CFAP77: variants seen among roughly 807,000 people sequenced by gnomAD.
The protein encoded by CFAP77 is cilia and flagella associated protein 77.
Under a neutral mutation model 31.1 loss-of-function variants are expected in CFAP77, and 25 were observed. The ratio of observed to expected loss-of-function variants is 0.80; its 90% confidence interval spans 0.59 to 1.12. The LOEUF (loss-of-function observed/expected upper bound fraction) is 1.12. Among genes scored for constraint, CFAP77 ranks in the 50% most tolerant of loss-of-function variants. The pLI is 0.00. For missense variants in CFAP77, 377 were observed against 397.3 expected (o/e 0.95, Z 0.44); for synonymous variants, 151 against 159.9 (o/e 0.94, Z 0.42).
At chr9:132,429,627 A>G (rs1322144990) in intron 1 of CFAP77, among the ~76,000 whole-genome samples, 4 of 150,678 alleles carry the variant, frequency 2.7e-5, no homozygotes, top group Admixed American at 6.6e-5. Context: ...GGTGGATCAC[A>G]AGGTCAGGAG....
chr9:132,519,646 G>A (rs2119014583), intron 3 of CFAP77, among the ~76,000 whole-genome samples: 1 of 57,630 alleles, frequency 1.7e-5, no homozygotes, highest in Non-Finnish European at 3.5e-5. Context: ...ATGGGCAGAT[G>A]GATGGATGGA....
chr9:132,512,765 G>A (rs1486121672), intron 3 of CFAP77, among the ~76,000 whole-genome samples: 1 of 152,156 alleles, frequency 6.6e-6, no homozygotes, highest in Non-Finnish European at 1.5e-5. Flanking sequence ...TGGCCAACAT[G>A]GCGAAACCTT....
At position 132,449,898 on chromosome 9, in the gene CFAP77, TTTTG is replaced by T. The variant is rs372240867; in HGVS notation, c.195+39460_195+39463del. ...AATTTCCAGGGATGATTAAGAGTTT[TTTTG>T]TTTGTTTGTTTGTTTGTTTGTTTGT... On this transcript the variant is annotated intron_variant, in intron 1 of 5. Transcript: ENST00000393216. 1.3e-3 allele frequency among the ~76,000 whole-genome samples: 113 copies of T among 88,866 alleles called. 1 individual carries two copies. Among genetic ancestry groups the T allele is most frequent in the South Asian group, 3.1e-3 (9 of 2,874 alleles). 58.3% of individuals were successfully genotyped at this position (88,866 alleles called of 152,430 possible). A position where few individuals can be genotyped will look rare whatever the true frequency, so the allele number is the denominator to read the frequency against.
intron 1 of CFAP77, among the ~76,000 whole-genome samples, chr9:132,430,248 T>C (rs1197728208): frequency 6.6e-6 from 1 of 152,134 alleles, no homozygotes; most frequent in East Asian, 1.9e-4. Context: ...TTTTTTTGCC[T>C]TTTGGAAAAT....
At chr9:132,479,298 G>A (rs943506522) in intron 1 of CFAP77, among the ~76,000 whole-genome samples, 19 of 152,204 alleles carry the variant, frequency 1.2e-4, no homozygotes, top group African/African-American at 4.1e-4. Flanking sequence ...TTTGCCCTGG[G>A]TACCCTCAGG....
intron 1 of CFAP77, among the ~76,000 whole-genome samples, chr9:132,475,389 G>T (rs999395477): frequency 3.3e-5 from 5 of 152,162 alleles, no homozygotes; most frequent in Admixed American, 6.5e-5. Flanking sequence ...CTACCACTAG[G>T]CCCCTTCGCT....
Position 132,517,530 on chromosome 9 carries a change from G to A in CFAP77, c.524+17930G>A, listed in dbSNP as rs1852169045. On this transcript the variant is annotated intron_variant, in intron 3 of 5. Transcript: ENST00000393216. This position sits in a 1 kb window ranked among gnomAD's most constrained non-coding sequence, Gnocchi z 4.7. Reference sequence around the variant, plus strand: ...GAACGGAGAGCCGTACTAAAATCCAGTTTGTCAGACCCAAGTCTCCCTTCT... The same window carrying A: ...GAACGGAGAGCCGTACTAAAATCCAATTTGTCAGACCCAAGTCTCCCTTCT... 6.6e-6 allele frequency among the ~76,000 whole-genome samples: 1 copy of A among 152,190 alleles called. No individual in the cohort carries two copies. The highest frequency in any genetic ancestry group is 1.5e-5 in the Non-Finnish European group (1 of 68,028).
intron 3 of CFAP77, among the ~76,000 whole-genome samples, chr9:132,519,061 A>G (rs1340284733): frequency 6.6e-6 from 1 of 151,942 alleles, no homozygotes; most frequent in Non-Finnish European, 1.5e-5. Context: ...AGCTGTGAGG[A>G]TGGTTATTTC....
chr9:132,494,743 C>T (rs1267718172), intron 1 of CFAP77, among the ~76,000 whole-genome samples: 5 of 152,210 alleles, frequency 3.3e-5, no homozygotes, highest in African/African-American at 1.2e-4. Flanking sequence ...TTACCAGTAA[C>T]AGTGAATTTT....
intron 3 of CFAP77, among the ~76,000 whole-genome samples, chr9:132,509,050 T>A (rs1269504822): frequency 1.3e-5 from 2 of 152,198 alleles, no homozygotes; most frequent in Non-Finnish European, 2.9e-5. Context: ...AGCAGCGAGA[T>A]GGCGGCTACG....
chr9:132,413,504 G>A (rs1156413816), intron 1 of CFAP77, among the ~76,000 whole-genome samples: 1 of 152,192 alleles, frequency 6.6e-6, no homozygotes. Context: ...TCCTTCAAAT[G>A]TGACTCTCTG....
intron 3 of CFAP77, among the ~76,000 whole-genome samples, chr9:132,525,052 T>C (rs1370848742): frequency 9.8e-5 from 14 of 142,816 alleles, no homozygotes; most frequent in Admixed American, 8.2e-4. Context: ...TGGAGCCTCA[T>C]TGTGACGCCC....
At chr9:132,559,395 A>G (rs1453463877) in intron 5 of CFAP77, among the ~76,000 whole-genome samples, 3 of 150,652 alleles carry the variant, frequency 2.0e-5, no homozygotes, top group African/African-American at 7.4e-5. Context: ...ACATTTCTCC[A>G]AAGGAGATAA....
intron 1 of CFAP77, among the ~76,000 whole-genome samples, chr9:132,448,010 G>C (rs1221410056): frequency 2.6e-5 from 4 of 152,224 alleles, no homozygotes; most frequent in Admixed American, 1.3e-4. Context: ...TATGTGCTTT[G>C]TTTGGGAGTG....
In CFAP77 at chr9:132,490,181, C is replaced by T. The variant is rs1851629927; in HGVS notation, c.196-8514C>T. 6.6e-6 allele frequency among the ~76,000 whole-genome samples: 1 copy of T among 152,108 alleles called. No homozygotes were observed. Among genetic ancestry groups the T allele is most frequent in the African/African-American group, 2.4e-5 (1 of 41,398 alleles). On this transcript the variant is annotated intron_variant, in intron 1 of 5. Coordinates refer to ENST00000393216, the MANE Select transcript of CFAP77 (RefSeq NM_001282957.2). The surrounding 1 kb of genome is among the most constrained non-coding windows in gnomAD (Gnocchi z 4.6). ...TCCATCAAGGCCTTTTATAAGGGCA[C>T]CTATTCCCCCATGAGTGCAGAGCCC...
rs555272171 is a variant in CFAP77 at position 132,482,327 on chromosome 9, G to A, written c.196-16368G>A. On this transcript the variant is annotated intron_variant, in intron 1 of 5. Coordinates refer to ENST00000393216, the MANE Select transcript of CFAP77 (RefSeq NM_001282957.2). The stretch of plus-strand genomic sequence containing the variant: ...TTTCGTAGGCTGCCGGCCCGGCCTC[G>A]GTGGGAACCTCTTATTCTGTTTATG... 1.9e-5 allele frequency: 31 copies of A among 1,613,416 alleles called. No individual in the cohort carries two copies. In the African/African-American group the frequency reaches 2.1e-4, roughly 11 times the overall value.
chr9:132,540,858 G>A (rs946079112), intron 4 of CFAP77, among the ~76,000 whole-genome samples: 9 of 152,174 alleles, frequency 5.9e-5, no homozygotes, highest in Non-Finnish European at 1.3e-4. Flanking sequence ...TGAGCGAGAC[G>A]TCCTACTTCT....
In CFAP77 at chr9:132,499,452, G is replaced by A. The variant is rs150368747; in HGVS notation, c.376G>A (p.Gly126Arg). 128 of 1,614,098 alleles carry A rather than the reference G, an allele frequency of 7.9e-5. No homozygotes were observed. Among genetic ancestry groups the A allele is most frequent in the Non-Finnish European group, 9.2e-5 (109 of 1,180,054 alleles). ...LTRNYIAMNR[G>R]AVKAGLVTAR... Reference sequence around the variant, plus strand: ...CCGGAATTATATCGCAATGAACCGCGGGGCGGTGAAAGCCGGCCTGGTGAC... The same window carrying A: ...CCGGAATTATATCGCAATGAACCGCAGGGCGGTGAAAGCCGGCCTGGTGAC... Residue 126 changes from glycine to arginine, a missense_variant, in exon 3 of 6, where the codon GGG becomes AGG. Transcript: ENST00000393216. This position sits in a 1 kb window ranked among gnomAD's most constrained non-coding sequence, Gnocchi z 5.4.
intron 1 of CFAP77, among the ~76,000 whole-genome samples, chr9:132,439,538 C>T (rs1850577440): frequency 1.3e-5 from 2 of 152,080 alleles, no homozygotes; most frequent in Admixed American, 6.6e-5. Context: ...AGTTTCAGCT[C>T]TTACTCTGGG....
Sources: gnomAD v4.1 joint callset for allele counts (sites outside exome capture counted in the v4.1 genomes callset) on GRCh38, gnomAD v4.1.1 for gene constraint, Gnocchi (gnomAD v3.1) non-coding constraint, MANE v1.5 for transcripts, NCBI Gene and HGNC (gene_info 2026-07-23, HGNC 2026-07-21) for gene names.